Variants in TXNDC11 observed in about 807,000 individuals in gnomAD.
TXNDC11 encodes thioredoxin domain-containing protein 11.
A neutral mutation model predicts 78.0 loss-of-function variants in TXNDC11; 68 were observed. The ratio of observed to expected loss-of-function variants is 0.87; its 90% CI spans 0.72 to 1.07. The LOEUF (loss-of-function observed/expected upper bound fraction) is 1.07. Ranked by LOEUF, TXNDC11 falls within the 50% of genes least tolerant of loss-of-function variation. TXNDC11 has a pLI of 0.00. For synonymous variants in TXNDC11, 571 were observed against 495.2 expected, an observed-to-expected ratio of 1.15 and a Z score of -2.03; for missense variants, 1,389 against 1,221.8, an observed-to-expected ratio of 1.14 and a Z score of -2.04.
chr16:11,686,390 A>G (rs543127373), intron 10 of TXNDC11, among the ~76,000 whole-genome samples: 4 of 152,312 alleles, frequency 2.6e-5, no homozygotes, highest in African/African-American at 4.8e-5. Context: ...TTAAACATTC[A>G]TCTCCTGGTG....
At chr16:11,730,271 G>C (rs2052007975) in intron 4 of TXNDC11, among the ~76,000 whole-genome samples, 1 of 152,126 alleles carries the variant, frequency 6.6e-6, no homozygotes, top group Non-Finnish European at 1.5e-5. Flanking sequence ...CAACTGACAA[G>C]AGAAACCAGG....
intron 5 of TXNDC11, 35 bp from the exon 6 acceptor site, chr16:11,700,599 G>T (rs538587552): frequency 1.0e-5 from 11 of 1,084,736 alleles, no homozygotes; most frequent in African/African-American, 4.7e-5. Flanking sequence ...TAAAGAAAAG[G>T]CCTGTGCCTT....
intron 5 of TXNDC11, among the ~76,000 whole-genome samples, chr16:11,705,721 C>G (rs1040572424): frequency 2.0e-5 from 3 of 152,184 alleles, no homozygotes; most frequent in African/African-American, 4.8e-5. Context: ...TTATTTTTCA[C>G]ACATAACAGA....
chr16:11,703,709 T>C, intron 5 of TXNDC11: 1 of 702,232 alleles, frequency 1.4e-6, no homozygotes, highest in Non-Finnish European at 2.6e-6. Context: ...CATTCTCCAG[T>C]AAAAGAAACC....
intron 5 of TXNDC11, among the ~76,000 whole-genome samples, chr16:11,700,794 C>G (rs1302871529): frequency 5.9e-5 from 9 of 152,192 alleles, no homozygotes; most frequent in Admixed American, 4.6e-4. Context: ...ACGTCTCTGA[C>G]AATCACTTGT....
chr16:11,742,662 G>C lies in TXNDC11; in HGVS notation c.69C>G (p.Gly23=). The C allele has an allele frequency of 6.8e-7, 1 of 1,465,168 alleles. No individual in the cohort carries two copies. Among genetic ancestry groups the C allele is most frequent in the Non-Finnish European group, 9.0e-7 (1 of 1,114,868 alleles). The allele number at this position is 1,465,168 out of a possible 1,614,324, so 90.8% of individuals were successfully genotyped here. A position where few individuals can be genotyped will look rare whatever the true frequency, so the allele number is the denominator to read the frequency against. ...AGTCTGAGCCCGCGGGGCCGCCGCCGCCCCCTCCCTCGTCCTCGGCGTCCT... is the reference window on the plus strand; with the variant it reads ...AGTCTGAGCCCGCGGGGCCGCCGCCCCCCCCTCCCTCGTCCTCGGCGTCCT... ...SSEDAEDEGG[G]GGGPAGSDCL... The change falls in exon 1 of 12, where the codon GGC becomes GGG. Residue 23 remains glycine (G), a synonymous_variant. Transcript: ENST00000283033.
Position 11,698,194 on chromosome 16 carries a change from C to T in TXNDC11, c.1038G>A (p.Lys346=), listed in dbSNP as rs1414246800. The T allele has an allele frequency of 6.2e-7, 1 of 1,614,146 alleles. No homozygotes were observed. Among genetic ancestry groups the T allele is most frequent in the African/African-American group, 1.3e-5 (1 of 74,942 alleles). The part of the protein sequence containing the change: ...GKSLLLNNEL[K]KGPALFLFIP... ...TGAACAGAAACAGCGCTGGTCCTTT[C>T]TTCAGCTCGTTATTCAGCAGGAGAC... The change falls in exon 7 of 12, where the codon AAG becomes AAA. Residue 346 remains lysine (K), a synonymous_variant. Coordinates refer to ENST00000283033, the MANE Select transcript of TXNDC11 (RefSeq NM_015914.7).
chr16:11,680,828 T>A (rs1374420053), intron 11 of TXNDC11, among the ~76,000 whole-genome samples: 1 of 152,162 alleles, frequency 6.6e-6, no homozygotes, highest in African/African-American at 2.4e-5. Context: ...CCTTTAAAGC[T>A]TAGTTTTCTT....
chr16:11,723,610 A>C (rs78784853), intron 4 of TXNDC11, among the ~76,000 whole-genome samples: 9,323 of 152,048 alleles, frequency 0.061, 478 homozygotes, highest in African/African-American at 0.14. Flanking sequence ...CAAAAAAAAA[A>C]CCCACAAAAC....
chr16:11,691,239 T>C lies in TXNDC11; in HGVS notation c.1900+51A>G, dbSNP rs377697294. 32 of 1,490,966 alleles carry C rather than the reference T, an allele frequency of 2.1e-5. No homozygotes were observed. The African/African-American group carries it at 3.9e-4, about 18-fold the overall frequency. The allele number at this position is 1,490,966 out of a possible 1,614,324, so 92.4% of individuals were successfully genotyped here. On this transcript the variant is annotated intron_variant, in intron 8 of 11. Transcript: ENST00000283033. ...GAGCCATCAATAAAATTTACCCATATGAAGTCAAGCAAAATGTACAATGCT... is the reference window on the plus strand; with the variant it reads ...GAGCCATCAATAAAATTTACCCATACGAAGTCAAGCAAAATGTACAATGCT...
rs2050716906 is a variant in TXNDC11 at position 11,691,614 on chromosome 16, C to T, written c.1576G>A (p.Val526Ile). 1 of 1,614,076 alleles carries T rather than the reference C, an allele frequency of 6.2e-7. No homozygotes were observed. The highest frequency in any genetic ancestry group is 8.5e-7 in the Non-Finnish European group (1 of 1,180,042). The change falls in exon 8 of 12, where the codon GTC becomes ATC. Residue 526 changes from valine (V) to isoleucine (I), a missense_variant. Coordinates refer to ENST00000283033, the MANE Select transcript of TXNDC11 (RefSeq NM_015914.7). ...AATGCAACAGTAGGGGCTTCAAAGA[C>T]ACCTTGTTCAGAGTCGATGAAGCCT... Reference protein sequence around the residue: ...VSGFIDSEQGVFEAPTVAFSS... With the variant: ...VSGFIDSEQGIFEAPTVAFSS...
chr16:11,707,220 A>G (rs1195184975), intron 5 of TXNDC11, among the ~76,000 whole-genome samples: 1 of 152,054 alleles, frequency 6.6e-6, no homozygotes. Flanking sequence ...TGAGGTCAGG[A>G]GTTCGAGACC....
In TXNDC11 at chr16:11,736,325, C is replaced by A. The variant is rs1378819222; in HGVS notation, c.255-92G>T. On this transcript the variant is annotated intron_variant, in intron 1 of 11. Coordinates refer to ENST00000283033, the MANE Select transcript of TXNDC11 (RefSeq NM_015914.7). ...TAGAATGAAGCTTAAAAGGAAAATC[C>A]TCTTTTGAATAAGAAAATGGAGTCC... 2.8e-6 allele frequency: 3 copies of A among 1,076,432 alleles called. No individual in the cohort carries two copies. In the Admixed American group the frequency reaches 6.7e-5, roughly 24 times the overall value. 66.7% of individuals were successfully genotyped at this position (1,076,432 alleles called of 1,614,324 possible).
chr16:11,690,188 A>C (rs1176619831), intron 8 of TXNDC11: 1 of 152,272 alleles, frequency 6.6e-6, no homozygotes, highest in East Asian at 1.9e-4. Context: ...TCCCGTTTCC[A>C]ATGAGGCTGA....
intron 10 of TXNDC11, among the ~76,000 whole-genome samples, chr16:11,687,623 C>T (rs1043305251): frequency 6.6e-6 from 1 of 152,174 alleles, no homozygotes; most frequent in African/African-American, 2.4e-5. Context: ...CAGCCACCTA[C>T]GAATCTAGTC....
At chr16:11,701,382 C>T (rs2051019539) in intron 5 of TXNDC11, among the ~76,000 whole-genome samples, 2 of 152,054 alleles carry the variant, frequency 1.3e-5, no homozygotes, top group South Asian at 4.1e-4. Context: ...AGTGATGTGC[C>T]TGCCTCTGCC....
chr16:11,691,966 C>A lies in TXNDC11; in HGVS notation c.1224G>T (p.Val408=), dbSNP rs750315703. The change falls in exon 8 of 12, where the codon GTG becomes GTT. Residue 408 remains valine (V), a synonymous_variant. Transcript: ENST00000283033. ...APVLESLALE[V]PAQLPDPPTI... is the part of the protein sequence containing the mutation. Reference sequence around the variant, plus strand: ...TTGGCGGGTCTGGCAGCTGTGCCGGCACTTCCAGGGCCAGGGACTCCAGCA... The same window carrying A: ...TTGGCGGGTCTGGCAGCTGTGCCGGAACTTCCAGGGCCAGGGACTCCAGCA... The A allele has an allele frequency of 1.9e-6, 3 of 1,608,234 alleles. No homozygotes were observed. Among genetic ancestry groups the A allele is most frequent in the Non-Finnish European group, 2.6e-6 (3 of 1,176,204 alleles).
At chr16:11,735,911 C>T in intron 2 of TXNDC11, 106 bp downstream of exon 2, 1 of 1,056,112 alleles carries the variant, frequency 9.5e-7, no homozygotes, top group Non-Finnish European at 1.4e-6. Context: ...TCCTGGAGTT[C>T]ACCTTGGCAA....
At chr16:11,699,483 G>T (rs969278896) in intron 6 of TXNDC11, among the ~76,000 whole-genome samples, 2 of 152,368 alleles carry the variant, frequency 1.3e-5, no homozygotes, top group South Asian at 4.1e-4. Context: ...GATTGTCAAG[G>T]TGGGACGATG....
Sources: gnomAD v4.1 joint callset for allele counts (sites outside exome capture counted in the v4.1 genomes callset) on GRCh38, gnomAD v4.1.1 for gene constraint, MANE v1.5 for transcripts, NCBI Gene and HGNC (gene_info 2026-07-23, HGNC 2026-07-21) for gene names.